The following BCL2 variants were observed in gnomAD, a reference collection of about 807,000 sequenced individuals.
BCL2 encodes the protein BCL2 apoptosis regulator.
A neutral mutation model predicts 14.2 loss-of-function variants in BCL2; 1 was observed. That is an observed-to-expected ratio of 0.07 (90% CI 0.02 to 0.33). BCL2 has a LOEUF of 0.33. Ranked by LOEUF, BCL2 falls within the 10% of genes least tolerant of loss-of-function variation. The pLI, the probability that BCL2 is intolerant of heterozygous loss-of-function variation, is 0.99. For synonymous variants in BCL2, 151 were observed against 137.2 expected (o/e 1.10, Z -0.70); for missense variants, 247 against 305.9 (o/e 0.81, Z 1.44).
chr18:63,213,553 C>T (rs71366962), intron 2 of BCL2, among the ~76,000 whole-genome samples: 65 of 105,298 alleles, frequency 6.2e-4, no homozygotes, highest in Admixed American at 1.6e-3. Context: ...CATAAACACA[C>T]ACACACACAC....
At chr18:63,244,733 A>G (rs1158392310) in intron 2 of BCL2, among the ~76,000 whole-genome samples, 3 of 152,174 alleles carry the variant, frequency 2.0e-5, no homozygotes, top group African/African-American at 7.2e-5. Context: ...CATCCGTCCT[A>G]GGCAGTATTC....
chr18:63,141,446 C>T (rs1307791128), intron 2 of BCL2, among the ~76,000 whole-genome samples: 1 of 152,144 alleles, frequency 6.6e-6, no homozygotes, highest in South Asian at 2.1e-4. Context: ...TCTGATGTGC[C>T]TCTGTGCTTC....
chr18:63,190,084 T>C (rs1909247384), intron 2 of BCL2, among the ~76,000 whole-genome samples: 1 of 152,290 alleles, frequency 6.6e-6, no homozygotes, highest in South Asian at 2.1e-4. Flanking sequence ...CTTGGCATCA[T>C]AAATCTTCTC....
chr18:63,201,255 A>G (rs1909682015), intron 2 of BCL2, among the ~76,000 whole-genome samples: 2 of 152,204 alleles, frequency 1.3e-5, no homozygotes, highest in African/African-American at 2.4e-5. Flanking sequence ...TTTTCACCCA[A>G]TTCTGACATT....
At chr18:63,316,334 G>A (rs1219563534) in intron 2 of BCL2, 2 of 152,232 alleles carry the variant, frequency 1.3e-5, no homozygotes, top group East Asian at 3.9e-4. Flanking sequence ...AAATTTGTAA[G>A]TGTGAATTTT....
intron 2 of BCL2, among the ~76,000 whole-genome samples, chr18:63,213,754 TATC>T (rs772100513): frequency 1.8e-4 from 28 of 152,090 alleles, no homozygotes; most frequent in Non-Finnish European, 3.7e-4. Flanking sequence ...TGTGGACCAT[TATC>T]ATATAGAGGC....
chr18:63,183,693 C>A (rs575372274), intron 2 of BCL2, among the ~76,000 whole-genome samples: 1 of 152,322 alleles, frequency 6.6e-6, no homozygotes, highest in East Asian at 1.9e-4. Flanking sequence ...AAAGGAAACA[C>A]GCCATCGCCT....
chr18:63,274,135 CTCTA>C (rs1346456359), intron 2 of BCL2, among the ~76,000 whole-genome samples: 1 of 152,016 alleles, frequency 6.6e-6, no homozygotes, highest in Non-Finnish European at 1.5e-5. Flanking sequence ...TATTTTTTCT[CTCTA>C]TCCTCTGAGT....
At chr18:63,218,546 TG>T (rs1353786446) in intron 2 of BCL2, among the ~76,000 whole-genome samples, 2 of 136,608 alleles carry the variant, frequency 1.5e-5, no homozygotes, top group Middle Eastern at 3.9e-3. Flanking sequence ...ACAACCTCCC[TG>T]GAAATCCAGA....
intron 2 of BCL2, among the ~76,000 whole-genome samples, chr18:63,201,376 A>G (rs1389468249): frequency 6.6e-6 from 1 of 152,210 alleles, no homozygotes; most frequent in African/African-American, 2.4e-5. Context: ...CACCGCCCCT[A>G]ATAGAAAGTA....
intron 2 of BCL2, among the ~76,000 whole-genome samples, chr18:63,301,715 G>A (rs1912965739): frequency 2.0e-5 from 3 of 152,208 alleles, no homozygotes; most frequent in East Asian, 1.9e-4. Context: ...AGAACATTAT[G>A]AATAATCCCA....
intron 2 of BCL2, among the ~76,000 whole-genome samples, chr18:63,204,222 C>T (rs1295969343): frequency 1.3e-5 from 2 of 152,206 alleles, no homozygotes; most frequent in East Asian, 3.8e-4. Flanking sequence ...TCATCAGGGG[C>T]TGGTTAATTA....
intron 2 of BCL2, among the ~76,000 whole-genome samples, chr18:63,248,223 G>A (rs184955774): frequency 6.6e-6 from 1 of 151,660 alleles, no homozygotes; most frequent in Non-Finnish European, 1.5e-5. Flanking sequence ...GAAAAATCCA[G>A]TGGTGAAATA....
chr18:63,223,947 A>G (rs915894938), intron 2 of BCL2, among the ~76,000 whole-genome samples: 11 of 152,238 alleles, frequency 7.2e-5, no homozygotes, highest in African/African-American at 2.4e-4. Flanking sequence ...TGAAAAAGAC[A>G]ACATGGAGGA....
chr18:63,240,899 A>G (rs4987764), intron 2 of BCL2, among the ~76,000 whole-genome samples: 13,236 of 152,324 alleles, frequency 0.087, 621 homozygotes, highest in South Asian at 0.16. Context: ...CGTCATTAAC[A>G]GGGTTGGTGT....
intron 2 of BCL2, among the ~76,000 whole-genome samples, chr18:63,298,106 G>A (rs752124022): frequency 2.0e-5 from 3 of 152,074 alleles, no homozygotes; most frequent in Non-Finnish European, 2.9e-5. Flanking sequence ...AATTAGAATC[G>A]GCAGACAAAT....
chr18:63,219,793 C>T (rs905228294), intron 2 of BCL2, among the ~76,000 whole-genome samples: 2 of 152,146 alleles, frequency 1.3e-5, no homozygotes, highest in African/African-American at 4.8e-5. Context: ...AAAGACCTAC[C>T]TCACCTCACT....
chr18:63,169,357 CTTT>C, intron 2 of BCL2, among the ~76,000 whole-genome samples: 1 of 61,388 alleles, frequency 1.6e-5, no homozygotes, highest in African/African-American at 8.4e-5. Flanking sequence ...TTCTTTCTTT[CTTT>C]CTTTCTTTCT....
chr18:63,289,904 C>T (rs1410554863), intron 2 of BCL2, among the ~76,000 whole-genome samples: 4 of 152,058 alleles, frequency 2.6e-5, no homozygotes, highest in African/African-American at 9.7e-5. Flanking sequence ...AGAAGAAAAA[C>T]AATCAGGGAA....
Sources: gnomAD v4.1 joint callset for allele counts (sites outside exome capture counted in the v4.1 genomes callset) on GRCh38, gnomAD v4.1.1 for gene constraint, MANE v1.5 for transcripts, NCBI Gene and HGNC (gene_info 2026-07-23, HGNC 2026-07-21) for gene names.